EYS: variants seen among roughly 807,000 people sequenced by gnomAD.
EYS encodes EGF-like photoreceptor maintenance factor.
EYS carries 250 observed loss-of-function variants against 282.1 expected under a neutral mutation model. That is an observed-to-expected ratio of 0.89 (90% CI 0.80 to 0.98). EYS has a LOEUF of 0.98. Among genes scored for constraint, EYS ranks in the 50% least tolerant of loss-of-function variants. The pLI is 0.00. For missense variants in EYS, 4,016 were observed against 3,709.0 expected, an observed-to-expected ratio of 1.08 and a Z score of -2.15; for synonymous variants, 1,355 against 1,282.9, an observed-to-expected ratio of 1.06 and a Z score of -1.20.
intron 37 of EYS, among the ~76,000 whole-genome samples, chr6:63,794,135 T>A (rs1397979638): frequency 1.3e-5 from 2 of 152,204 alleles, no homozygotes; most frequent in Non-Finnish European, 2.9e-5. Flanking sequence ...GGGATAATAA[T>A]ATCTCTTCAG....
chr6:64,882,315 C>A (rs1335330330), intron 19 of EYS, among the ~76,000 whole-genome samples: 2 of 151,750 alleles, frequency 1.3e-5, no homozygotes, highest in Non-Finnish European at 3.0e-5. Context: ...TTGACATTTT[C>A]TTCTGTTAGA....
rs1322158535 is a variant in EYS at position 64,989,415 on chromosome 6, A to G, written c.2259+8167T>C. 1.8e-5 allele frequency among the ~76,000 whole-genome samples: 2 copies of G among 110,022 alleles called. 1 individual carries two copies. Among genetic ancestry groups the G allele is most frequent in the Non-Finnish European group, 3.8e-5 (2 of 53,040 alleles). 72.2% of individuals were successfully genotyped at this position (110,022 alleles called of 152,430 possible). ...CTGTAATATATATATATATATATAT[A>G]TGAATATATATGAGAAACAGGAAGA... On this transcript the variant is annotated intron_variant, in intron 14 of 42. Transcript: ENST00000503581.
At chr6:65,132,088 C>T (rs137985832) in intron 12 of EYS, among the ~76,000 whole-genome samples, 3 of 151,804 alleles carry the variant, frequency 2.0e-5, no homozygotes, top group Non-Finnish European at 4.4e-5. Flanking sequence ...GCCCTGTCAA[C>T]CAAAAAAATT....
intron 22 of EYS, among the ~76,000 whole-genome samples, chr6:64,693,242 A>G (rs911626650): frequency 6.6e-6 from 1 of 151,862 alleles, no homozygotes; most frequent in Non-Finnish European, 1.5e-5. Flanking sequence ...ATTCTTCCCA[A>G]TTGATTCAGT....
chr6:64,660,693 C>A lies in EYS; in HGVS notation c.3444-34448G>T, dbSNP rs188570179. On this transcript the variant is annotated intron_variant, in intron 22 of 42. Transcript: ENST00000503581. Reference sequence around the variant, plus strand: ...TCCAATTTACAAGGGATGTGAAGGACCTCTTCAAGGAGAACTACAAACCAC... The same window carrying A: ...TCCAATTTACAAGGGATGTGAAGGAACTCTTCAAGGAGAACTACAAACCAC... Among the ~76,000 whole-genome samples the A allele has an allele frequency of 7.7e-3, 1,169 of 152,208 alleles. 17 individuals are homozygous for A. Among genetic ancestry groups the A allele is most frequent in the African/African-American group, 0.027 (1,126 of 41,524 alleles).
intron 24 of EYS, among the ~76,000 whole-genome samples, chr6:64,599,122 A>T (rs777397739): frequency 6.6e-6 from 1 of 152,168 alleles, no homozygotes; most frequent in Non-Finnish European, 1.5e-5. Flanking sequence ...TTTGTTGTTG[A>T]ATTTGGAATT....
At chr6:64,965,532 T>C (rs2150108331) in intron 14 of EYS, among the ~76,000 whole-genome samples, 1 of 152,168 alleles carries the variant, frequency 6.6e-6, no homozygotes, top group Non-Finnish European at 1.5e-5. Flanking sequence ...TTTTCATTCT[T>C]CATTATAAAT....
intron 2 of EYS, among the ~76,000 whole-genome samples, chr6:65,500,046 G>A (rs1242721940): frequency 2.6e-5 from 4 of 151,826 alleles, no homozygotes; most frequent in African/African-American, 9.7e-5. Context: ...GAAAACTGAA[G>A]CACAGAAAGA....
In EYS at chr6:64,707,594, G is replaced by A. The variant is rs569312759; in HGVS notation, c.3444-81349C>T. ...TGAGGCAGGAGAATGGCGTGAACCC[G>A]GGAGGCCTTGCAGTGAGTGGAGATC... On this transcript the variant is annotated intron_variant, in intron 22 of 42. Transcript: ENST00000503581. Among the ~76,000 whole-genome samples the A allele has an allele frequency of 6.6e-5, 10 of 150,494 alleles. No homozygotes were observed. In the South Asian group the frequency reaches 1.7e-3, roughly 25 times the overall value.
At chr6:65,078,475 A>T (rs1774125517) in intron 12 of EYS, among the ~76,000 whole-genome samples, 1 of 151,880 alleles carries the variant, frequency 6.6e-6, no homozygotes. Flanking sequence ...TTATTCCTTT[A>T]AAAAAAAGTA....
At chr6:63,818,559 C>A (rs1771240878) in intron 36 of EYS, among the ~76,000 whole-genome samples, 2 of 152,280 alleles carry the variant, frequency 1.3e-5, no homozygotes, top group South Asian at 4.1e-4. Context: ...ATCCTGTACA[C>A]TCTATTTACT....
intron 22 of EYS, among the ~76,000 whole-genome samples, chr6:64,640,405 T>C (rs748610115): frequency 6.6e-6 from 1 of 151,880 alleles, no homozygotes; most frequent in Non-Finnish European, 1.5e-5. Context: ...AAATGATGAG[T>C]TCATGTCCTT....
At chr6:64,113,405 A>T (rs971440227) in intron 31 of EYS, among the ~76,000 whole-genome samples, 7 of 152,204 alleles carry the variant, frequency 4.6e-5, no homozygotes, top group Non-Finnish European at 1.0e-4. Context: ...ATGTAAAATG[A>T]GAAGCACATT....
At chr6:65,560,183 T>C (rs903019883) in intron 2 of EYS, among the ~76,000 whole-genome samples, 1 of 141,032 alleles carries the variant, frequency 7.1e-6, no homozygotes, top group African/African-American at 2.6e-5. Flanking sequence ...ATAATACTTG[T>C]AATAATAATA....
chr6:65,455,149 G>A (rs1039913607), intron 5 of EYS, among the ~76,000 whole-genome samples: 17 of 151,988 alleles, frequency 1.1e-4, no homozygotes, highest in East Asian at 1.9e-4. Context: ...GATTATGTCC[G>A]TTTATTTCTG....
intron 22 of EYS, among the ~76,000 whole-genome samples, chr6:64,764,306 A>C (rs191410851): frequency 6.6e-6 from 1 of 152,230 alleles, no homozygotes; most frequent in Admixed American, 6.5e-5. Context: ...CAAAACCTCA[A>C]TTCTTAGCTT....
chr6:65,607,133 A>C lies in EYS; in HGVS notation c.-333+32645T>G, dbSNP rs977496252. Among the ~76,000 whole-genome samples, 6 of 151,828 alleles carry C rather than the reference A, an allele frequency of 4.0e-5. No individual in the cohort carries two copies. In the East Asian group the frequency reaches 9.7e-4, roughly 24 times the overall value. ...AGTTAATGTTTTGAGGGAACTTTAA[A>C]TTCTCTCTCAACCACTTGCAATTTA... is the stretch of plus-strand genomic sequence containing the variant. On this transcript the variant is annotated intron_variant, in intron 2 of 42. Coordinates refer to ENST00000503581, the MANE Select transcript of EYS (RefSeq NM_001142800.2).
intron 22 of EYS, among the ~76,000 whole-genome samples, chr6:64,643,575 C>T (rs973588288): frequency 6.6e-6 from 1 of 151,846 alleles, no homozygotes; most frequent in Non-Finnish European, 1.5e-5. Flanking sequence ...ACCACATATC[C>T]CCTGATACGG....
intron 22 of EYS, among the ~76,000 whole-genome samples, chr6:64,724,463 G>T (rs1411345102): frequency 6.6e-6 from 1 of 152,196 alleles, no homozygotes; most frequent in Admixed American, 6.5e-5. Flanking sequence ...ATATTTCACA[G>T]ACTCTTAGCC....
Sources: allele counts gnomAD v4.1 joint callset (sites outside exome capture counted in the v4.1 genomes callset), GRCh38; gene constraint gnomAD v4.1.1; transcripts MANE v1.5; gene names NCBI Gene and HGNC (gene_info 2026-07-23, HGNC 2026-07-21).